ARHGAP26: variants seen among roughly 807,000 people sequenced by gnomAD.
The protein encoded by ARHGAP26 is Rho GTPase activating protein 26.
A neutral mutation model predicts 104.8 loss-of-function variants in ARHGAP26; 38 were observed. The ratio of observed to expected loss-of-function variants is 0.36; its 90% CI spans 0.28 to 0.48. The LOEUF (loss-of-function observed/expected upper bound fraction) is 0.48. Ranked by LOEUF, ARHGAP26 falls within the 20% of genes least tolerant of loss-of-function variation. The pLI is 0.99. For missense variants in ARHGAP26, 704 were observed against 947.9 expected, an observed-to-expected ratio of 0.74 and a Z score of 3.38; for synonymous variants, 341 against 340.0, an observed-to-expected ratio of 1.00 and a Z score of -0.03.
chr5:142,850,102 G>T (rs1751220821), intron 1 of ARHGAP26, among the ~76,000 whole-genome samples: 1 of 152,166 alleles, frequency 6.6e-6, no homozygotes, highest in Non-Finnish European at 1.5e-5. Context: ...TGCCCTCATT[G>T]TGTTCCCTAG....
At chr5:142,963,198 A>ATATATGTGTGTGTGTGTGTG (rs869247749) in intron 11 of ARHGAP26, among the ~76,000 whole-genome samples, 26 of 98,294 alleles carry the variant, frequency 2.6e-4, no homozygotes, top group African/African-American at 1.3e-3. Flanking sequence ...ATATATATAT[A>ATATATGTGTGTGTGTGTGTG]TGTGTGTGTG....
intron 20 of ARHGAP26, among the ~76,000 whole-genome samples, chr5:143,194,899 C>T (rs1806564334): frequency 6.6e-6 from 1 of 152,022 alleles, no homozygotes; most frequent in Admixed American, 6.6e-5. Flanking sequence ...GGAGGGCCAG[C>T]GGGAACACAG....
At chr5:142,940,946 G>T (rs897892227) in intron 11 of ARHGAP26, among the ~76,000 whole-genome samples, 3 of 151,590 alleles carry the variant, frequency 2.0e-5, no homozygotes, top group Non-Finnish European at 2.9e-5. Context: ...ATGGTGGCGG[G>T]TGCCTGTAGT....
At chr5:142,860,307 T>C (rs539696455) in intron 1 of ARHGAP26, 1 of 152,376 alleles carries the variant, frequency 6.6e-6, no homozygotes, top group Admixed American at 6.5e-5. Context: ...GCCTATACCT[T>C]AGGCACTTGG....
At chr5:142,818,981 A>G (rs557250955) in intron 1 of ARHGAP26, among the ~76,000 whole-genome samples, 2 of 152,258 alleles carry the variant, frequency 1.3e-5, no homozygotes, top group South Asian at 4.2e-4. Flanking sequence ...CCACCTGGAC[A>G]TTGGAGCCAG....
At position 143,147,313 on chromosome 5, in the gene ARHGAP26, C is replaced by T; in HGVS notation, c.1920C>T (p.Ser640=). The part of the protein sequence containing the change: ...NPNSILNSSS[S]LQPNMNSSDP... Reference sequence around the variant, plus strand: ...ACAGCATCCTTAATTCCAGCAGCAGCTTACAGCCCAACATGAACTCCAGTG... The same window carrying T: ...ACAGCATCCTTAATTCCAGCAGCAGTTTACAGCCCAACATGAACTCCAGTG... The change falls in exon 20 of 23, where the codon AGC becomes AGT. Residue 640 remains serine, a synonymous_variant. Transcript: ENST00000645722. 1 of 1,614,086 alleles carries T rather than the reference C, an allele frequency of 6.2e-7. No homozygotes were observed. The highest frequency in any genetic ancestry group is 2.2e-5 in the East Asian group (1 of 44,862).
chr5:143,093,111 A>G (rs1018383900), intron 17 of ARHGAP26, among the ~76,000 whole-genome samples: 3 of 149,614 alleles, frequency 2.0e-5, no homozygotes, highest in Non-Finnish European at 4.4e-5. Flanking sequence ...ATAGCTTTAT[A>G]TGTTAAGGTT....
At chr5:143,144,549 G>A (rs575306790) in intron 19 of ARHGAP26, among the ~76,000 whole-genome samples, 8 of 152,260 alleles carry the variant, frequency 5.3e-5, no homozygotes, top group African/African-American at 1.9e-4. Context: ...GGGACCACAG[G>A]TGTGTACCAC....
chr5:143,018,133 G>A (rs958113049), intron 12 of ARHGAP26, among the ~76,000 whole-genome samples: 1 of 152,094 alleles, frequency 6.6e-6, no homozygotes, highest in African/African-American at 2.4e-5. Flanking sequence ...TTAGTTTACT[G>A]GGTTTCCTCT....
chr5:143,210,608 G>A (rs184301276), intron 21 of ARHGAP26, among the ~76,000 whole-genome samples: 20 of 152,262 alleles, frequency 1.3e-4, no homozygotes, highest in East Asian at 5.8e-4. Context: ...CAAAAAAGCC[G>A]ATAGCCCCAA....
chr5:142,869,615 G>T (rs1444528776), intron 1 of ARHGAP26, among the ~76,000 whole-genome samples: 4 of 152,054 alleles, frequency 2.6e-5, no homozygotes, highest in South Asian at 2.1e-4. Context: ...CAGTAGTAAG[G>T]TTACCTGAGT....
chr5:143,165,923 A>G, intron 20 of ARHGAP26: 3 of 705,040 alleles, frequency 4.3e-6, no homozygotes, highest in South Asian at 2.0e-5. Flanking sequence ...GTTAGGATGA[A>G]ATGAAATAGT....
chr5:142,940,116 T>C (rs2152556806), intron 11 of ARHGAP26, among the ~76,000 whole-genome samples: 1 of 152,342 alleles, frequency 6.6e-6, no homozygotes, highest in Non-Finnish European at 1.5e-5. Flanking sequence ...TTTGCTATGA[T>C]GCATCCCAGG....
chr5:142,988,741 G>A (rs922744719), intron 11 of ARHGAP26, among the ~76,000 whole-genome samples: 1 of 152,148 alleles, frequency 6.6e-6, no homozygotes, highest in Non-Finnish European at 1.5e-5. Flanking sequence ...CTTTCATTTC[G>A]TTATGTACCC....
chr5:143,104,513 AAAAAC>A (rs1202162308), intron 17 of ARHGAP26, among the ~76,000 whole-genome samples: 1 of 152,246 alleles, frequency 6.6e-6, no homozygotes. Context: ...CCTGTCTCAA[AAAAAC>A]AAAACAAAAC....
At chr5:143,011,177 C>T (rs1344844006) in intron 11 of ARHGAP26, among the ~76,000 whole-genome samples, 7 of 152,162 alleles carry the variant, frequency 4.6e-5, no homozygotes, top group South Asian at 4.1e-4. Flanking sequence ...TTCCAAGGAC[C>T]TGTACTTTCT....
At chr5:142,800,205 T>C (rs1028478914) in intron 1 of ARHGAP26, among the ~76,000 whole-genome samples, 3 of 152,168 alleles carry the variant, frequency 2.0e-5, no homozygotes, top group Non-Finnish European at 4.4e-5. Flanking sequence ...GCTTAAAGAT[T>C]GAGCCTTTAA....
chr5:143,113,027 G>T (rs1794953844), intron 17 of ARHGAP26, among the ~76,000 whole-genome samples: 1 of 152,156 alleles, frequency 6.6e-6, no homozygotes, highest in African/African-American at 2.4e-5. Context: ...TTTTTGAGGA[G>T]CTACCATACT....
At chr5:143,136,123 T>G (rs950949578) in intron 19 of ARHGAP26, among the ~76,000 whole-genome samples, 2 of 152,186 alleles carry the variant, frequency 1.3e-5, no homozygotes, top group South Asian at 4.1e-4. Context: ...GTGCTGGGTA[T>G]GTGGTTAGAA....
Sources: gnomAD v4.1 joint callset for allele counts (sites outside exome capture counted in the v4.1 genomes callset) on GRCh38, gnomAD v4.1.1 for gene constraint, MANE v1.5 for transcripts, NCBI Gene and HGNC (gene_info 2026-07-23, HGNC 2026-07-21) for gene names.